The following ANO2 variants were observed in gnomAD, a reference collection of about 807,000 sequenced individuals.
ANO2 encodes anoctamin-2.
Under a neutral mutation model 124.2 loss-of-function variants are expected in ANO2, and 101 were observed. The ratio of observed to expected loss-of-function variants is 0.81; its 90% confidence interval spans 0.69 to 0.96. ANO2 has a LOEUF of 0.96. ANO2 is among the 40% of genes least tolerant of loss of function. The probability of loss-of-function intolerance (pLI) is 0.00; values close to 1 mark genes in which losing one functional copy is unlikely to be tolerated. For missense variants in ANO2, 1,293 were observed against 1,274.5 expected, an observed-to-expected ratio of 1.01 and a Z score of -0.22; for synonymous variants, 486 against 482.5, an observed-to-expected ratio of 1.01 and a Z score of -0.09.
intron 20 of ANO2, among the ~76,000 whole-genome samples, chr12:5,583,379 C>A (rs1158469790): frequency 6.6e-6 from 1 of 152,078 alleles, no homozygotes; most frequent in Non-Finnish European, 1.5e-5. Context: ...TCTGGCTGGG[C>A]GCGGTGGCTC....
chr12:5,901,316 G>C (rs1337325928), intron 3 of ANO2, among the ~76,000 whole-genome samples: 1 of 152,184 alleles, frequency 6.6e-6, no homozygotes, highest in Non-Finnish European at 1.5e-5. Flanking sequence ...GAAATTGCTG[G>C]GGGATTCATG....
intron 20 of ANO2, among the ~76,000 whole-genome samples, chr12:5,590,379 G>T (rs973795635): frequency 2.6e-5 from 4 of 152,250 alleles, no homozygotes; most frequent in Admixed American, 2.0e-4. Context: ...GGCACATGGA[G>T]ACGGAACAGA....
At chr12:5,569,312 C>A (rs1191558608) in intron 23 of ANO2, among the ~76,000 whole-genome samples, 1 of 152,050 alleles carries the variant, frequency 6.6e-6, no homozygotes, top group African/African-American at 2.4e-5. Flanking sequence ...TTCCCCAGCA[C>A]TGGGTGAGCC....
At chr12:5,856,204 A>G (rs1212780116) in intron 3 of ANO2, 1 of 152,248 alleles carries the variant, frequency 6.6e-6, no homozygotes, top group Non-Finnish European at 1.5e-5. Flanking sequence ...GGCAAACAGC[A>G]TCATCCCTCT....
chr12:5,766,512 G>A (rs537719418), intron 10 of ANO2, among the ~76,000 whole-genome samples: 8 of 152,202 alleles, frequency 5.3e-5, no homozygotes, highest in African/African-American at 1.4e-4. Flanking sequence ...TAATTCTTGC[G>A]TTAGAAGTTG....
chr12:5,879,656 C>T (rs1167529284), intron 3 of ANO2, among the ~76,000 whole-genome samples: 3 of 152,064 alleles, frequency 2.0e-5, no homozygotes, highest in Non-Finnish European at 4.4e-5. Flanking sequence ...TGAGCTAAGA[C>T]CAACATATTA....
chr12:5,874,821 T>C (rs1159246540), intron 3 of ANO2, among the ~76,000 whole-genome samples: 1 of 152,160 alleles, frequency 6.6e-6, no homozygotes, highest in Non-Finnish European at 1.5e-5. Context: ...TGCCGACCCA[T>C]CATCAAGGAC....
At chr12:5,618,358 C>T (rs1451191441) in intron 16 of ANO2, among the ~76,000 whole-genome samples, 1 of 152,186 alleles carries the variant, frequency 6.6e-6, no homozygotes, top group Admixed American at 6.5e-5. Flanking sequence ...GGGTGCTGCA[C>T]AAAAGCGTCT....
intron 20 of ANO2, among the ~76,000 whole-genome samples, chr12:5,583,514 G>A (rs1255762711): frequency 6.6e-6 from 1 of 150,926 alleles, no homozygotes; most frequent in Non-Finnish European, 1.5e-5. Context: ...TTAGCCGGGC[G>A]CAGTGGCGGG....
intron 10 of ANO2, among the ~76,000 whole-genome samples, chr12:5,792,362 G>C (rs1952722459): frequency 6.6e-6 from 1 of 152,128 alleles, no homozygotes; most frequent in African/African-American, 2.4e-5. Context: ...CCTTGTTTAA[G>C]TCCGACTTTA....
At chr12:5,739,060 A>C in intron 13 of ANO2, 1 of 625,176 alleles carries the variant, frequency 1.6e-6, no homozygotes, top group Non-Finnish European at 3.0e-6. Flanking sequence ...TCCCCAGAGG[A>C]GGGCACTGGG....
chr12:5,761,956 G>C (rs1951756231), intron 10 of ANO2, among the ~76,000 whole-genome samples: 1 of 152,066 alleles, frequency 6.6e-6, no homozygotes, highest in Admixed American at 6.5e-5. Flanking sequence ...AAAATAATTT[G>C]AGATAATGAC....
chr12:5,732,948 A>G, intron 13 of ANO2: 2 of 1,565,548 alleles, frequency 1.3e-6, no homozygotes, highest in East Asian at 2.2e-5. Context: ...AGAGGGGCCC[A>G]GTGCTTTGCA....
chr12:5,688,810 CTTTTTTTTT>C (rs36091783), intron 14 of ANO2, among the ~76,000 whole-genome samples: 7 of 119,386 alleles, frequency 5.9e-5, no homozygotes, highest in Admixed American at 5.4e-4. Flanking sequence ...TGGGAGTATC[CTTTTTTTTT>C]TTTTTTTTTT....
At chr12:5,810,650 C>G (rs544542829) in intron 7 of ANO2, among the ~76,000 whole-genome samples, 1 of 152,286 alleles carries the variant, frequency 6.6e-6, no homozygotes, top group East Asian at 1.9e-4. Context: ...TTCCCTGTCT[C>G]CCTTAACAGG....
chr12:5,845,428 G>A (rs1163666207), intron 4 of ANO2, among the ~76,000 whole-genome samples: 1 of 151,188 alleles, frequency 6.6e-6, no homozygotes, highest in Admixed American at 6.6e-5. Flanking sequence ...TTAGCTGGGC[G>A]TGGTGGCAGG....
intron 14 of ANO2, among the ~76,000 whole-genome samples, chr12:5,660,260 C>G (rs576250679): frequency 6.6e-6 from 1 of 151,908 alleles, no homozygotes; most frequent in Non-Finnish European, 1.5e-5. Flanking sequence ...TACCATCATA[C>G]GAACATCTTA....
At chr12:5,945,308 G>A (rs978912593), upstream of ANO2, 6 of 1,076,034 alleles carry the variant, frequency 5.6e-6, no homozygotes, top group East Asian at 1.1e-4. Context: ...GCTCAGCTCC[G>A]TCCCGGCGCG....
At chr12:5,856,910 C>T (rs1051521332) in intron 3 of ANO2, among the ~76,000 whole-genome samples, 2 of 152,220 alleles carry the variant, frequency 1.3e-5, no homozygotes, top group Non-Finnish European at 2.9e-5. Context: ...TCTCCACTCT[C>T]CTCAAAAGGA....
Sources: allele counts gnomAD v4.1 joint callset (sites outside exome capture counted in the v4.1 genomes callset), GRCh38; gene constraint gnomAD v4.1.1; transcripts MANE v1.5; gene names NCBI Gene and HGNC (gene_info 2026-07-23, HGNC 2026-07-21).